TBC1D5: variants seen among roughly 807,000 people sequenced by gnomAD.
TBC1D5 encodes TBC1 domain family, member 5.
A neutral mutation model predicts 100.3 loss-of-function variants in TBC1D5; 75 were observed. The observed-to-expected ratio is 0.75, with a 90% CI of 0.62 to 0.91. TBC1D5 has a LOEUF of 0.91. Ranked by LOEUF, TBC1D5 falls within the 40% of genes least tolerant of loss-of-function variation. TBC1D5 has a pLI of 0.00. For missense variants in TBC1D5, 910 were observed against 942.4 expected (o/e 0.97, Z 0.45); for synonymous variants, 323 against 325.6 (o/e 0.99, Z 0.09).
rs10590475 is a variant in TBC1D5 at position 17,299,858 on chromosome 3, C to CAA, written c.1139-7859_1139-7858dup. On this transcript the variant is annotated intron_variant, in intron 14 of 21. Transcript: ENST00000253692. ...TGGACGACAGAGCGAGACTCCGTCT[C>CAA]AAAAAAAAAAAAAAAAAAAAAAAAA... Among the ~76,000 whole-genome samples the CAA allele has an allele frequency of 5.3e-3, 258 of 48,608 alleles. 26 individuals carry two copies. The highest frequency in any genetic ancestry group is 0.013 in the Admixed American group (37 of 2,924). 31.9% of individuals were successfully genotyped at this position (48,608 alleles called of 152,430 possible). A position where few individuals can be genotyped will look rare whatever the true frequency, so the allele number is the denominator to read the frequency against.
chr3:17,205,687 G>A (rs181113118), intron 18 of TBC1D5, among the ~76,000 whole-genome samples: 54 of 152,206 alleles, frequency 3.5e-4, no homozygotes, highest in Admixed American at 6.5e-4. Context: ...GTAAGGAGTG[G>A]GCATGGAATT....
upstream of TBC1D5, among the ~76,000 whole-genome samples, chr3:17,742,064 C>T (rs1458681386): frequency 6.6e-6 from 1 of 152,152 alleles, no homozygotes; most frequent in Non-Finnish European, 1.5e-5. Flanking sequence ...CTAGTCCAGC[C>T]GCCAGGCCCT....
At chr3:17,464,289 C>T (rs1456541671) in intron 3 of TBC1D5, among the ~76,000 whole-genome samples, 4 of 152,088 alleles carry the variant, frequency 2.6e-5, no homozygotes, top group Non-Finnish European at 5.9e-5. Flanking sequence ...ATAAGAGTTG[C>T]TGGTTTTCAC....
chr3:17,178,340 C>T (rs1282051027), intron 19 of TBC1D5, among the ~76,000 whole-genome samples: 1 of 152,016 alleles, frequency 6.6e-6, no homozygotes, highest in Non-Finnish European at 1.5e-5. Context: ...GCTGGGATTA[C>T]AGGCGTGAGC....
intron 14 of TBC1D5, among the ~76,000 whole-genome samples, chr3:17,302,293 A>T (rs1446428251): frequency 6.6e-6 from 1 of 152,042 alleles, no homozygotes; most frequent in East Asian, 1.9e-4. Flanking sequence ...CTCCCTGTAT[A>T]TACCTTCACA....
chr3:17,229,006 G>A (rs550140071), intron 17 of TBC1D5, among the ~76,000 whole-genome samples: 5 of 152,128 alleles, frequency 3.3e-5, no homozygotes, highest in South Asian at 4.2e-4. Context: ...TACCAAATTC[G>A]ATAGGAAATA....
intron 17 of TBC1D5, among the ~76,000 whole-genome samples, chr3:17,215,585 G>A (rs1476501778): frequency 6.6e-6 from 1 of 152,124 alleles, no homozygotes; most frequent in African/African-American, 2.4e-5. Context: ...GATTTTAGGG[G>A]AGAGATGTGA....
intron 2 of TBC1D5, among the ~76,000 whole-genome samples, chr3:17,551,306 C>A (rs1244009067): frequency 6.6e-6 from 1 of 152,044 alleles, no homozygotes; most frequent in Non-Finnish European, 1.5e-5. Context: ...TTTGACAGGG[C>A]AGAGACCACC....
intron 3 of TBC1D5, among the ~76,000 whole-genome samples, chr3:17,477,690 T>C (rs982157608): frequency 8.6e-5 from 13 of 152,046 alleles, no homozygotes; most frequent in East Asian, 3.8e-4. Context: ...TATCCATTTA[T>C]GTAACCATAG....
At chr3:17,631,629 T>C (rs756822113) in intron 1 of TBC1D5, among the ~76,000 whole-genome samples, 6 of 152,246 alleles carry the variant, frequency 3.9e-5, no homozygotes, top group Non-Finnish European at 7.3e-5. Context: ...TGTTAAGGTC[T>C]AATGCAGCTG....
chr3:17,466,377 G>A (rs1175763766), intron 3 of TBC1D5, among the ~76,000 whole-genome samples: 1 of 152,178 alleles, frequency 6.6e-6, no homozygotes, highest in Non-Finnish European at 1.5e-5. Flanking sequence ...TAGGAAAATA[G>A]ATGAGTAACA....
intron 16 of TBC1D5, among the ~76,000 whole-genome samples, chr3:17,248,065 C>T (rs1258247119): frequency 1.3e-5 from 2 of 151,388 alleles, no homozygotes; most frequent in Non-Finnish European, 2.9e-5. Context: ...AATCTCTGCT[C>T]ACTGCAACCT....
At chr3:17,338,635 A>G (rs2088338379) in intron 13 of TBC1D5, 1 of 152,244 alleles carries the variant, frequency 6.6e-6, no homozygotes, top group South Asian at 2.1e-4. Context: ...CACGAAAATA[A>G]GTTTCAACTG....
chr3:17,459,936 C>T lies in TBC1D5; in HGVS notation c.98-31417G>A, dbSNP rs183867249. Among the ~76,000 whole-genome samples the T allele has an allele frequency of 3.9e-5, 6 of 152,296 alleles. No homozygotes were observed. The East Asian group carries it at 1.2e-3, about 29-fold the overall frequency. Reference sequence around the variant, plus strand: ...AAAATAAAAATTCAGCAGGATATATCTGGTTACATTTAATGACAGGAGTAT... The same window carrying T: ...AAAATAAAAATTCAGCAGGATATATTTGGTTACATTTAATGACAGGAGTAT... On this transcript the variant is annotated intron_variant, in intron 3 of 21. Coordinates refer to ENST00000253692, the Ensembl canonical transcript of TBC1D5.
intron 13 of TBC1D5, among the ~76,000 whole-genome samples, chr3:17,342,010 C>T (rs1180982252): frequency 6.6e-6 from 1 of 152,186 alleles, no homozygotes; most frequent in African/African-American, 2.4e-5. Context: ...ATAGATGCTC[C>T]ATCAGCTTTC....
intron 2 of TBC1D5, among the ~76,000 whole-genome samples, chr3:17,527,743 G>T (rs1337339241): frequency 6.6e-6 from 1 of 152,012 alleles, no homozygotes; most frequent in Admixed American, 6.6e-5. Flanking sequence ...AAAAAACTTA[G>T]TAAAAGAAGG....
At chr3:17,511,801 C>A (rs540866622) in intron 2 of TBC1D5, among the ~76,000 whole-genome samples, 70 of 152,082 alleles carry the variant, frequency 4.6e-4, no homozygotes, top group African/African-American at 1.5e-3. Flanking sequence ...TCCATTATAT[C>A]CTGATTTATT....
intron 21 of TBC1D5, among the ~76,000 whole-genome samples, chr3:17,166,001 T>C (rs1441132763): frequency 6.6e-6 from 1 of 152,208 alleles, no homozygotes; most frequent in Non-Finnish European, 1.5e-5. Flanking sequence ...AAGGAAGCTG[T>C]AGGAAGATCC....
intron 2 of TBC1D5, among the ~76,000 whole-genome samples, chr3:17,525,278 C>T (rs991808862): frequency 3.3e-5 from 5 of 151,938 alleles, no homozygotes; most frequent in Non-Finnish European, 5.9e-5. Flanking sequence ...TACAGGCACC[C>T]GCCACCATAC....
Sources: gnomAD v4.1 joint callset for allele counts (sites outside exome capture counted in the v4.1 genomes callset) on GRCh38, gnomAD v4.1.1 for gene constraint, MANE v1.5 for transcripts, NCBI Gene and HGNC (gene_info 2026-07-23, HGNC 2026-07-21) for gene names.